The following SCARF2 variants were observed in gnomAD, a reference collection of about 807,000 sequenced individuals.
SCARF2 encodes scavenger receptor expressed by endothelial cells 2 protein.
SCARF2 carries 39 observed loss-of-function variants against 73.4 expected under a neutral mutation model. The ratio of observed to expected loss-of-function variants is 0.53; its 90% CI spans 0.41 to 0.69. The LOEUF is 0.69. SCARF2 is among the 30% of genes least tolerant of loss of function. SCARF2 has a pLI of 0.00. For synonymous variants in SCARF2, 605 were observed against 590.0 expected (o/e 1.03, Z -0.37); for missense variants, 1,148 against 1,303.5 (o/e 0.88, Z 1.84).
rs1465811453 is a variant in SCARF2, at chr22:20,424,968, C to T, written c.*407G>A. The T allele has an allele frequency of 2.4e-5, 4 of 170,126 alleles. No homozygotes were observed. The highest frequency in any genetic ancestry group is 5.0e-5 in the Non-Finnish European group (4 of 80,312). The allele number at this position is 170,126 out of a possible 1,614,324, so 10.5% of individuals were successfully genotyped here. On this transcript the variant is annotated 3_prime_UTR_variant, in exon 11 of 11. Transcript: ENST00000622235. ...TCCAGCCAGAGGCACCAGGCCCTAG[C>T]GGGGGAGAGGCAGCCCGGGCAGAAG...
At chr22:20,430,955 C>G (rs1397108094) in intron 4 of SCARF2, 47 bp from the exon 5 acceptor site, 17 of 1,565,588 alleles carry the variant, frequency 1.1e-5, no homozygotes, top group Non-Finnish European at 1.5e-5. Context: ...CCGCCTCACC[C>G]CTGTCCCCAT....
chr22:20,427,482 G>C lies in SCARF2; in HGVS notation c.1609C>G (p.Pro537Ala), dbSNP rs779303835. 1 of 1,614,114 alleles carries C rather than the reference G, an allele frequency of 6.2e-7. No individual in the cohort carries two copies. Among genetic ancestry groups the C allele is most frequent in the Non-Finnish European group, 8.5e-7 (1 of 1,180,018 alleles). ...FLEPPSGLEQ[P>A]SPSWSSRASF... ...GCCCGAGAGGACCAGGATGGTGAGG[G>C]CTGCTCCAGCCCTGAGGGTGGCTCC... The change falls in exon 10 of 11, where the codon CCC becomes GCC. Residue 537 changes from proline to alanine, a missense_variant. Coordinates refer to ENST00000622235, the MANE Select transcript of SCARF2 (RefSeq NM_182895.5).
chr22:20,425,628 C>T lies in SCARF2; in HGVS notation c.2348G>A (p.Arg783His). The T allele has an allele frequency of 2.3e-6, 3 of 1,312,238 alleles. No homozygotes were observed. Among genetic ancestry groups the T allele is most frequent in the Non-Finnish European group, 2.9e-6 (3 of 1,032,888 alleles). The allele number at this position is 1,312,238 out of a possible 1,614,324, so 81.3% of individuals were successfully genotyped here. A position where few individuals can be genotyped will look rare whatever the true frequency, so the allele number is the denominator to read the frequency against. ...CTGCGCGCCCAGGGCCACCTCGGCGCGGCCCAGGCTGCGAGTCTTGCCGCG... is the reference window on the plus strand; with the variant it reads ...CTGCGCGCCCAGGGCCACCTCGGCGTGGCCCAGGCTGCGAGTCTTGCCGCG... ...ELRGKTRSLG[R>H]AEVALGAQGP... Residue 783 changes from arginine (R) to histidine (H), a missense_variant, in exon 11 of 11, where the codon CGC becomes CAC. Physicochemically the swap from Arg to His is conservative, Grantham distance 29 (BLOSUM62 0). This residue lies in a region of SCARF2 where 169 missense variants were observed against 136.9 expected (regional missense o/e 1.23). Transcript: ENST00000622235. This position sits in a 1 kb window ranked among gnomAD's most constrained non-coding sequence, Gnocchi z 4.6.
At position 20,426,246 on chromosome 22, in the gene SCARF2, G is replaced by C. The variant is rs1307120079; in HGVS notation, c.1730C>G (p.Thr577Ser). ...PAESRDPEVP[T>S]VPAEAPAPSP... The stretch of plus-strand genomic sequence containing the variant: ...CGGCGCCGGCGCCTCGGCAGGGACA[G>C]TGGGGACTTCGGGGTCCCGGCTCTC... The change falls in exon 11 of 11, where the codon ACT becomes AGT. Residue 577 changes from threonine (T) to serine (S), a missense_variant. Physicochemically the swap from Thr to Ser is moderately conservative, Grantham distance 58. Coordinates refer to ENST00000622235, the MANE Select transcript of SCARF2 (RefSeq NM_182895.5). 26 of 1,536,918 alleles carry C rather than the reference G, an allele frequency of 1.7e-5. No homozygotes were observed. Among genetic ancestry groups the C allele is most frequent in the East Asian group, 2.4e-5 (1 of 41,678 alleles).
At chr22:20,426,377 A>G in intron 10 of SCARF2, 95 bp from the exon 11 acceptor site, 1 of 1,390,050 alleles carries the variant, frequency 7.2e-7, no homozygotes, top group Non-Finnish European at 9.7e-7. Context: ...TCCTCTACCC[A>G]CGCCCTTGGC....
At chr22:20,436,054 A>T (rs1052575420) in intron 1 of SCARF2, among the ~76,000 whole-genome samples, 3 of 152,220 alleles carry the variant, frequency 2.0e-5, no homozygotes, top group African/African-American at 7.2e-5. Flanking sequence ...GACCACAGCG[A>T]TCTCCACTTA....
intron 1 of SCARF2, 118 bp downstream of exon 1, chr22:20,437,463 CG>C: frequency 9.0e-7 from 1 of 1,109,888 alleles, no homozygotes; most frequent in East Asian, 3.2e-5. Flanking sequence ...GCTAGGGAGC[CG>C]AAGGGGCCCA....
rs1344257971 is a variant in SCARF2, at chr22:20,429,641, C to A, written c.1319G>T (p.Arg440Leu). 6.2e-7 allele frequency: 1 copy of A among 1,613,920 alleles called. No homozygotes were observed. The highest frequency in any genetic ancestry group is 8.5e-7 in the Non-Finnish European group (1 of 1,179,938). ...TGACHLETNQ[R>L]KGVMGAGALL... Reference sequence around the variant, plus strand: ...CGCGCCCGCGCCCATCACGCCCTTGCGCTGGTTGGTTTCTGTAGGGGGTTA... The same window carrying A: ...CGCGCCCGCGCCCATCACGCCCTTGAGCTGGTTGGTTTCTGTAGGGGGTTA... The change falls in exon 8 of 11, where the codon CGC (arginine) becomes CTC (leucine). Residue 440 changes from arginine to leucine, a missense_variant. Transcript: ENST00000622235. The surrounding 1 kb of genome is among the most constrained non-coding windows in gnomAD (Gnocchi z 5.2).
intron 1 of SCARF2, among the ~76,000 whole-genome samples, 168 bp from the exon 2 acceptor site, chr22:20,432,156 T>A (rs1334734530): frequency 6.6e-6 from 1 of 152,098 alleles, no homozygotes; most frequent in Non-Finnish European, 1.5e-5. Context: ...GGTGGAGGAT[T>A]GCCACAAACA....
At chr22:20,428,926 G>A (rs576169746) in intron 9 of SCARF2, among the ~76,000 whole-genome samples, 1 of 152,214 alleles carries the variant, frequency 6.6e-6, no homozygotes, top group Admixed American at 6.5e-5. Context: ...CAGACTGGGG[G>A]AGCCTGCGGG....
chr22:20,430,595 G>C (rs1484305392), intron 5 of SCARF2, 38 bp from the exon 6 acceptor site: 1 of 1,611,602 alleles, frequency 6.2e-7, no homozygotes, highest in East Asian at 2.2e-5. Context: ...AGAAATGGAG[G>C]CAAACGGACC....
rs759621567 is a variant in SCARF2 at position 20,425,340 on chromosome 22, G to A, written c.*35C>T. 7.4e-7 allele frequency: 1 copy of A among 1,357,560 alleles called. No individual in the cohort carries two copies. The highest frequency in any genetic ancestry group is 9.5e-7 in the Non-Finnish European group (1 of 1,048,512). 84.1% of individuals were successfully genotyped at this position (1,357,560 alleles called of 1,614,324 possible). A position where few individuals can be genotyped will look rare whatever the true frequency, so the allele number is the denominator to read the frequency against. Reference sequence around the variant, plus strand: ...GTGGGGTGGCGGGCGGCGCTGCGAAGCTGAGGGAGCTGCGCGCGGACGAGC... The same window carrying A: ...GTGGGGTGGCGGGCGGCGCTGCGAAACTGAGGGAGCTGCGCGCGGACGAGC... On this transcript the variant is annotated 3_prime_UTR_variant, in exon 11 of 11. Transcript: ENST00000622235. This position sits in a 1 kb window ranked among gnomAD's most constrained non-coding sequence, Gnocchi z 4.6.
At chr22:20,432,892 A>T (rs2052663541) in intron 1 of SCARF2, among the ~76,000 whole-genome samples, 1 of 152,034 alleles carries the variant, frequency 6.6e-6, no homozygotes, top group South Asian at 2.1e-4. Flanking sequence ...TAATTTTTGT[A>T]TTTTTACTAG....
Position 20,425,136 on chromosome 22 carries a change from G to A in SCARF2, c.*239C>T. On this transcript the variant is annotated 3_prime_UTR_variant, in exon 11 of 11. Transcript: ENST00000622235. This position sits in a 1 kb window ranked among gnomAD's most constrained non-coding sequence, Gnocchi z 4.6. Reference sequence around the variant, plus strand: ...AGCGCTCCATAACTCGGCCAATGGGGAGGGAGTCGCCCGCTAAGCGCCTGT... The same window carrying A: ...AGCGCTCCATAACTCGGCCAATGGGAAGGGAGTCGCCCGCTAAGCGCCTGT... 5.1e-6 allele frequency: 2 copies of A among 394,086 alleles called. No homozygotes were observed. The highest frequency in any genetic ancestry group is 8.9e-6 in the Non-Finnish European group (2 of 224,002). The allele number at this position is 394,086 out of a possible 1,614,324, so 24.4% of individuals were successfully genotyped here.
intron 9 of SCARF2, among the ~76,000 whole-genome samples, chr22:20,428,881 C>T (rs184145045): frequency 1.3e-5 from 2 of 152,284 alleles, no homozygotes; most frequent in East Asian, 1.9e-4. Context: ...CGCATTCCCC[C>T]AGCAGCTCTG....
At chr22:20,428,453 C>T (rs561480125) in intron 9 of SCARF2, among the ~76,000 whole-genome samples, 2 of 152,134 alleles carry the variant, frequency 1.3e-5, no homozygotes, top group African/African-American at 2.4e-5. Context: ...TATAGGCATG[C>T]GCCACCACAC....
chr22:20,437,517 G>A (rs1030349826), intron 1 of SCARF2, 65 bp downstream of exon 1: 1 of 1,495,084 alleles, frequency 6.7e-7, no homozygotes, highest in African/African-American at 1.4e-5. Context: ...CCCAATGCCC[G>A]GCGCCGCCAC....
In SCARF2 at chr22:20,426,257, G is replaced by C. The variant is rs1324093266; in HGVS notation, c.1719C>G (p.Pro573=). The change falls in exon 11 of 11, where the codon CCC becomes CCG. Residue 573 remains proline (P), a synonymous_variant. Transcript: ENST00000622235. ...HEEAPAESRD[P]EVPTVPAEAP... ...CCTCGGCAGGGACAGTGGGGACTTC[G>C]GGGTCCCGGCTCTCCGCTGGTGCCT... The C allele has an allele frequency of 3.9e-6, 6 of 1,535,874 alleles. No homozygotes were observed. The South Asian group carries it at 7.2e-5, about 18-fold the overall frequency.
In SCARF2 at chr22:20,427,608, A is replaced by G; in HGVS notation, c.1541-58T>C. ...CCACTCTGCCCCAGCCGGTGCCCTC[A>G]TTAGCCCCTGCTGTGACAAATGTTG... On this transcript the variant is annotated intron_variant, in intron 9 of 10. Coordinates refer to ENST00000622235, the MANE Select transcript of SCARF2 (RefSeq NM_182895.5). 6.3e-6 allele frequency: 10 copies of G among 1,596,766 alleles called. 1 individual carries two copies. The highest frequency in any genetic ancestry group is 8.5e-6 in the Non-Finnish European group (10 of 1,170,824).
Sources: gnomAD v4.1 joint callset for allele counts (sites outside exome capture counted in the v4.1 genomes callset) on GRCh38, gnomAD v4.1.1 for gene constraint, gnomAD v4.1.1 regional missense constraint, Gnocchi (gnomAD v3.1) non-coding constraint, MANE v1.5 for transcripts, NCBI Gene and HGNC (gene_info 2026-07-23, HGNC 2026-07-21) for gene names.